Variants in EARS2 observed in about 807,000 individuals in gnomAD.
EARS2 encodes nondiscriminating glutamyl-tRNA synthetase EARS2, mitochondrial.
Under a neutral mutation model 54.1 loss-of-function variants are expected in EARS2, and 50 were observed. The ratio of observed to expected loss-of-function variants is 0.92; its 90% CI spans 0.74 to 1.17. The LOEUF is 1.17. EARS2 is among the 50% of genes most tolerant of loss of function. The probability of loss-of-function intolerance (pLI) is 0.00; values close to 1 mark genes in which losing one functional copy is unlikely to be tolerated. For synonymous variants in EARS2, 298 were observed against 281.0 expected, an observed-to-expected ratio of 1.06 and a Z score of -0.61; for missense variants, 673 against 675.0, an observed-to-expected ratio of 1.00 and a Z score of 0.03.
chr16:23,547,204 T>C (rs1310295664), intron 2 of EARS2, among the ~76,000 whole-genome samples: 2 of 152,228 alleles, frequency 1.3e-5, no homozygotes, highest in East Asian at 3.8e-4. Context: ...TGAAGCATGA[T>C]AGCCCACAGA....
At chr16:23,554,814 T>C (rs1965750281) in intron 1 of EARS2, among the ~76,000 whole-genome samples, 1 of 152,202 alleles carries the variant, frequency 6.6e-6, no homozygotes, top group Non-Finnish European at 1.5e-5. Context: ...TACTTAACTT[T>C]TATGAGCTTC....
At chr16:23,531,164 TGCGACTACAGGC>T (rs1167017351) in intron 5 of EARS2, among the ~76,000 whole-genome samples, 1 of 151,892 alleles carries the variant, frequency 6.6e-6, no homozygotes, top group Non-Finnish European at 1.5e-5. Context: ...CCCAAAATGC[TGCGACTACAGGC>T]ATGAGCCACC....
chr16:23,527,494 TACTA>T (rs200976452), intron 7 of EARS2, among the ~76,000 whole-genome samples: 2,217 of 152,142 alleles, frequency 0.015, 21 homozygotes, highest in South Asian at 0.02. Flanking sequence ...CAGATCTCCT[TACTA>T]ACTGTCAGCA....
chr16:23,546,193 C>T (rs771302996), intron 2 of EARS2, among the ~76,000 whole-genome samples: 2 of 152,160 alleles, frequency 1.3e-5, no homozygotes, highest in African/African-American at 2.4e-5. Flanking sequence ...AGTCCAATTC[C>T]CTCCGATTAC....
intron 2 of EARS2, among the ~76,000 whole-genome samples, chr16:23,547,410 G>C (rs1451878821): frequency 6.6e-6 from 1 of 152,174 alleles, no homozygotes; most frequent in Non-Finnish European, 1.5e-5. Context: ...AAATGTTCTG[G>C]AATTAGTGGT....
At chr16:23,538,230 G>A (rs1005814963) in intron 3 of EARS2, among the ~76,000 whole-genome samples, 24 of 151,928 alleles carry the variant, frequency 1.6e-4, no homozygotes, top group Admixed American at 3.3e-4. Flanking sequence ...GGAGTGCAGC[G>A]GCGTGATCTT....
At chr16:23,526,970 ATT>A (rs562446067) in intron 7 of EARS2, among the ~76,000 whole-genome samples, 15 of 138,958 alleles carry the variant, frequency 1.1e-4, no homozygotes, top group East Asian at 1.0e-3. Flanking sequence ...ATAATTAATT[ATT>A]TTTTTTTTAA....
chr16:23,528,097 G>A (rs1244655884), intron 7 of EARS2, among the ~76,000 whole-genome samples: 1 of 152,160 alleles, frequency 6.6e-6, no homozygotes, highest in East Asian at 1.9e-4. Context: ...GAAGGGCCCA[G>A]GAACAAGGCT....
chr16:23,544,079 C>A (rs1965560634), intron 3 of EARS2, among the ~76,000 whole-genome samples: 3 of 152,150 alleles, frequency 2.0e-5, no homozygotes. Flanking sequence ...GCCTATAAAA[C>A]AAAAGTGGTG....
chr16:23,529,375 GT>G, intron 7 of EARS2, 126 bp downstream of exon 7: 1 of 1,250,368 alleles, frequency 8.0e-7, no homozygotes, highest in Non-Finnish European at 1.1e-6. Flanking sequence ...CCAGTGAAGG[GT>G]CACTTCTTCA....
At chr16:23,554,005 G>T (rs1442922933) in intron 1 of EARS2, among the ~76,000 whole-genome samples, 1 of 151,906 alleles carries the variant, frequency 6.6e-6, no homozygotes, top group African/African-American at 2.4e-5. Flanking sequence ...CTTTTTTAAA[G>T]AAACAAAATT....
At chr16:23,554,075 T>C (rs1459109329) in intron 1 of EARS2, among the ~76,000 whole-genome samples, 1 of 152,144 alleles carries the variant, frequency 6.6e-6, no homozygotes, top group Non-Finnish European at 1.5e-5. Context: ...AGTGGTACAG[T>C]CACGGCTCAC....
chr16:23,557,148 T>G (rs762484597), intron 1 of EARS2, 57 bp downstream of exon 1: 1 of 1,496,606 alleles, frequency 6.7e-7, no homozygotes, highest in Non-Finnish European at 8.8e-7. Flanking sequence ...GGAACATTCG[T>G]GGGGCGGAGA....
rs528459763 is a variant in EARS2 at position 23,551,702 on chromosome 16, G to T, written c.295+447C>A. Among the ~76,000 whole-genome samples, 81 of 152,190 alleles carry T rather than the reference G, an allele frequency of 5.3e-4. 1 individual carries two copies. Among genetic ancestry groups the T allele is most frequent in the African/African-American group, 1.9e-3 (79 of 41,540 alleles). The stretch of plus-strand genomic sequence containing the variant: ...TGGGAGGTCGAGGCAGGTGGATCAC[G>T]AGGTCAGGAGGTCAAGATCATCCTT... On this transcript the variant is annotated intron_variant, in intron 2 of 8. Transcript: ENST00000449606.
intron 2 of EARS2, among the ~76,000 whole-genome samples, chr16:23,545,569 G>A (rs1965589823): frequency 6.6e-6 from 1 of 152,166 alleles, no homozygotes; most frequent in Non-Finnish European, 1.5e-5. Context: ...TTTGTCACCT[G>A]GCCGAGTAGA....
At chr16:23,544,423 T>G in intron 3 of EARS2, 91 bp downstream of exon 3, 3 of 1,275,118 alleles carry the variant, frequency 2.4e-6, no homozygotes, top group Non-Finnish European at 3.2e-6. Context: ...AACTGAGAGG[T>G]AATACATGTT....
chr16:23,537,613 A>G (rs1185111822), intron 3 of EARS2: 1 of 152,058 alleles, frequency 6.6e-6, no homozygotes, highest in African/African-American at 2.4e-5. Flanking sequence ...ACTCTCGTTG[A>G]TCAGGCTGGA....
intron 3 of EARS2, among the ~76,000 whole-genome samples, chr16:23,536,775 A>G (rs916096753): frequency 6.9e-6 from 1 of 145,378 alleles, no homozygotes; most frequent in Admixed American, 7.1e-5. Context: ...CTCCACCTCC[A>G]GGGTTCAAGC....
intron 1 of EARS2, among the ~76,000 whole-genome samples, chr16:23,554,121 C>T (rs1004053814): frequency 6.6e-6 from 1 of 152,058 alleles, no homozygotes; most frequent in Non-Finnish European, 1.5e-5. Context: ...TCAATCCTCC[C>T]ACGTCAGCCT....
Sources: allele counts gnomAD v4.1 joint callset (sites outside exome capture counted in the v4.1 genomes callset), GRCh38; gene constraint gnomAD v4.1.1; transcripts MANE v1.5; gene names NCBI Gene and HGNC (gene_info 2026-07-23, HGNC 2026-07-21).